The following EEA1 variants were observed in gnomAD, a reference collection of about 807,000 sequenced individuals.
EEA1 encodes the protein early endosome antigen 1, also known as early endosome antigen 1, 162kD.
Under a neutral mutation model 209.2 loss-of-function variants are expected in EEA1, and 111 were observed. The observed-to-expected ratio is 0.53, with a 90% CI of 0.45 to 0.62. The LOEUF is 0.62. EEA1 is among the 20% of genes least tolerant of loss of function. The pLI, the probability that EEA1 is intolerant of heterozygous loss-of-function variation, is 0.00. For synonymous variants in EEA1, 536 were observed against 540.6 expected (o/e 0.99, Z 0.12); for missense variants, 1,343 against 1,530.8 (o/e 0.88, Z 2.05).
chr12:92,826,164 A>C lies in EEA1; in HGVS notation c.1524+2T>G. On this transcript the variant is annotated splice_donor_variant, in intron 13 of 28. Coordinates refer to ENST00000322349, the MANE Select transcript of EEA1 (RefSeq NM_003566.4). LOFTEE classifies it high-confidence loss of function. ...AAGGCTAATAACGCAACTAATGTTT[A>C]CCTGAGCTTCTCGAAGTTTTGCCGT... 6.2e-7 allele frequency: 1 copy of C among 1,613,064 alleles called. No individual in the cohort carries two copies. Among genetic ancestry groups the C allele is most frequent in the African/African-American group, 1.3e-5 (1 of 75,026 alleles).
At chr12:92,903,540 G>C (rs1381215152) in intron 1 of EEA1, among the ~76,000 whole-genome samples, 1 of 151,546 alleles carries the variant, frequency 6.6e-6, no homozygotes. Flanking sequence ...GAAGGTTGTG[G>C]TGAGCTGAGA....
At chr12:92,905,115 C>T (rs1880317610) in intron 1 of EEA1, among the ~76,000 whole-genome samples, 1 of 152,012 alleles carries the variant, frequency 6.6e-6, no homozygotes, top group Non-Finnish European at 1.5e-5. Flanking sequence ...CAGGTATTGC[C>T]AAAAGGTACT....
At chr12:92,798,494 G>A (rs915116294) in intron 21 of EEA1, among the ~76,000 whole-genome samples, 4 of 152,004 alleles carry the variant, frequency 2.6e-5, no homozygotes, top group Non-Finnish European at 4.4e-5. Flanking sequence ...GCTAATTTGT[G>A]TATTTTTAGT....
At chr12:92,900,826 G>A (rs780111367) in intron 1 of EEA1, among the ~76,000 whole-genome samples, 7 of 151,982 alleles carry the variant, frequency 4.6e-5, no homozygotes, top group East Asian at 3.9e-4. Flanking sequence ...CCGCCACCAC[G>A]TCCAGCTAAT....
At chr12:92,814,864 C>A (rs980113603) in intron 15 of EEA1, among the ~76,000 whole-genome samples, 1 of 152,162 alleles carries the variant, frequency 6.6e-6, no homozygotes, top group East Asian at 1.9e-4. Context: ...TGAGAAACAG[C>A]TTAAAAGCCT....
chr12:92,829,377 G>T (rs760862508), intron 11 of EEA1, among the ~76,000 whole-genome samples: 4 of 152,180 alleles, frequency 2.6e-5, no homozygotes, highest in Non-Finnish European at 4.4e-5. Context: ...ACTCAAATAT[G>T]TAAGTTAGTT....
At chr12:92,816,782 C>CATTTCACGTTATTTTTGTTTT (rs1875807815) in intron 14 of EEA1, among the ~76,000 whole-genome samples, 3 of 146,928 alleles carry the variant, frequency 2.0e-5, no homozygotes, top group African/African-American at 8.2e-5. Context: ...CCTCCCATCC[C>CATTTCACGTTATTTTTGTTTT]ATCTCTAACT....
intron 27 of EEA1, among the ~76,000 whole-genome samples, chr12:92,777,225 T>C (rs1873694048): frequency 1.3e-5 from 2 of 151,944 alleles, no homozygotes; most frequent in African/African-American, 4.8e-5. Context: ...TTTTCCCTGG[T>C]GACTCTGAGA....
At chr12:92,831,851 C>T (rs1402353986) in intron 11 of EEA1, among the ~76,000 whole-genome samples, 2 of 149,216 alleles carry the variant, frequency 1.3e-5, no homozygotes, top group Admixed American at 6.7e-5. Flanking sequence ...TTTGGGAGGC[C>T]GAGGCGGGTG....
intron 3 of EEA1, 123 bp downstream of exon 3, chr12:92,864,737 A>T: frequency 3.1e-6 from 3 of 974,632 alleles, no homozygotes; most frequent in Non-Finnish European, 4.2e-6. Context: ...ATGCTAAATG[A>T]TGACAGATTT....
intron 1 of EEA1, among the ~76,000 whole-genome samples, chr12:92,901,633 T>C (rs1179556766): frequency 1.3e-5 from 2 of 151,650 alleles, no homozygotes; most frequent in African/African-American, 4.8e-5. Flanking sequence ...AATGGCATTA[T>C]CTTGGCTCAC....
intron 1 of EEA1, among the ~76,000 whole-genome samples, chr12:92,914,085 T>C (rs1880677246): frequency 3.3e-5 from 5 of 152,278 alleles, no homozygotes; most frequent in Non-Finnish European, 7.3e-5. Flanking sequence ...AGTATCCTTT[T>C]TCTATTTATT....
chr12:92,896,548 T>C (rs762069915), intron 1 of EEA1, among the ~76,000 whole-genome samples: 2 of 152,112 alleles, frequency 1.3e-5, no homozygotes, highest in Non-Finnish European at 2.9e-5. Flanking sequence ...AAAGAAGAGT[T>C]AATCAAAGCA....
intron 10 of EEA1, among the ~76,000 whole-genome samples, chr12:92,841,778 G>A (rs935268792): frequency 4.6e-5 from 7 of 152,064 alleles, no homozygotes; most frequent in African/African-American, 1.7e-4. Flanking sequence ...ACAGTTGGTG[G>A]GAATATAAAA....
At position 92,929,180 on chromosome 12, in the gene EEA1, G is replaced by A; in HGVS notation, c.-114C>T. 1.7e-6 allele frequency: 2 copies of A among 1,159,922 alleles called. No individual in the cohort carries two copies. The highest frequency in any genetic ancestry group is 2.5e-5 in the Admixed American group (1 of 39,788). The allele number at this position is 1,159,922 out of a possible 1,614,324, so 71.9% of individuals were successfully genotyped here. A position where few individuals can be genotyped will look rare whatever the true frequency, so the allele number is the denominator to read the frequency against. On this transcript the variant is annotated 5_prime_UTR_variant, in exon 1 of 29. Coordinates refer to ENST00000322349, the MANE Select transcript of EEA1 (RefSeq NM_003566.4). ...TGGGCCGGGAGGGGACCGGGAAGGA[G>A]GTCGGGGCGAGGCGGTGGCGACGGC...
rs1477037453 is a variant in EEA1 at position 92,770,760 on chromosome 12, T to G, written c.*5251A>C. ...TTTAAAATTCCTATTCTCAAACTCA[T>G]CTCAGGTATATAGTACTCTAACGTG... On this transcript the variant is annotated 3_prime_UTR_variant, in exon 29 of 29. Transcript: ENST00000322349. The G allele has an allele frequency of 6.6e-6, 1 of 152,086 alleles. No individual in the cohort carries two copies. The highest frequency in any genetic ancestry group is 6.6e-5 in the Admixed American group (1 of 15,260). The allele number at this position is 152,086 out of a possible 1,614,324, so 9.4% of individuals were successfully genotyped here. A position where few individuals can be genotyped will look rare whatever the true frequency, so the allele number is the denominator to read the frequency against.
intron 3 of EEA1, among the ~76,000 whole-genome samples, chr12:92,862,866 T>C (rs1824142266): frequency 6.6e-6 from 1 of 152,158 alleles, no homozygotes; most frequent in African/African-American, 2.4e-5. Context: ...GGACAGATAA[T>C]GACACCATTC....
At chr12:92,831,625 A>T (rs1190073627) in intron 11 of EEA1, among the ~76,000 whole-genome samples, 2 of 147,346 alleles carry the variant, frequency 1.4e-5, no homozygotes, top group Non-Finnish European at 3.0e-5. Flanking sequence ...TATAATATAT[A>T]TTTCATAAAT....
At chr12:92,903,068 G>A (rs1880219621) in intron 1 of EEA1, among the ~76,000 whole-genome samples, 1 of 151,254 alleles carries the variant, frequency 6.6e-6, no homozygotes. Flanking sequence ...CCAAGTAGCT[G>A]GGGTTACAGG....
Sources: gnomAD v4.1 joint callset for allele counts (sites outside exome capture counted in the v4.1 genomes callset) on GRCh38, gnomAD v4.1.1 for gene constraint, MANE v1.5 for transcripts, NCBI Gene and HGNC (gene_info 2026-07-23, HGNC 2026-07-21) for gene names.